The following DLGAP1 variants were observed in gnomAD, a reference collection of about 807,000 sequenced individuals.
DLGAP1 encodes DLG associated protein 1.
A neutral mutation model predicts 90.8 loss-of-function variants in DLGAP1; 11 were observed. The ratio of observed to expected loss-of-function variants is 0.12; its 90% CI spans 0.08 to 0.20. The LOEUF is 0.20. Among genes scored for constraint, DLGAP1 ranks in the 10% least tolerant of loss-of-function variants. The pLI is 1.00. For missense variants in DLGAP1, 1,050 were observed against 1,333.8 expected (o/e 0.79, Z 3.31); for synonymous variants, 558 against 540.7 (o/e 1.03, Z -0.44).
chr18:4,321,506 A>G (rs1017396431), intron 1 of DLGAP1, among the ~76,000 whole-genome samples: 2 of 152,336 alleles, frequency 1.3e-5, no homozygotes, highest in African/African-American at 2.4e-5. Context: ...AGCAACTTCC[A>G]ACTTAAAAGT....
intron 3 of DLGAP1, among the ~76,000 whole-genome samples, chr18:3,931,296 C>T (rs1412263572): frequency 6.6e-6 from 1 of 152,176 alleles, no homozygotes; most frequent in Non-Finnish European, 1.5e-5. Flanking sequence ...TGCTTTGGCT[C>T]TGGCCCATTA....
At chr18:3,602,785 A>G (rs1038961499) in intron 7 of DLGAP1, among the ~76,000 whole-genome samples, 7 of 152,010 alleles carry the variant, frequency 4.6e-5, no homozygotes, top group African/African-American at 1.7e-4. Flanking sequence ...TTTATTTTGG[A>G]GGGATTTCTA....
At chr18:4,115,198 T>C (rs2076040810) in intron 2 of DLGAP1, among the ~76,000 whole-genome samples, 1 of 152,168 alleles carries the variant, frequency 6.6e-6, no homozygotes, top group African/African-American at 2.4e-5. Context: ...ATAAAATTCA[T>C]TCCAACAAAA....
chr18:3,831,750 A>G (rs904302662), intron 4 of DLGAP1, among the ~76,000 whole-genome samples: 1 of 152,334 alleles, frequency 6.6e-6, no homozygotes, highest in African/African-American at 2.4e-5. Flanking sequence ...TCACACTGCA[A>G]CTATTTATCT....
chr18:4,372,551 G>C (rs535313061), intron 1 of DLGAP1, among the ~76,000 whole-genome samples: 1 of 152,322 alleles, frequency 6.6e-6, no homozygotes, highest in East Asian at 1.9e-4. Context: ...GTATAGATTT[G>C]TGGACTAACA....
intron 2 of DLGAP1, among the ~76,000 whole-genome samples, chr18:4,043,364 G>A (rs1021064184): frequency 5.3e-5 from 8 of 152,166 alleles, no homozygotes; most frequent in African/African-American, 1.9e-4. Context: ...AATCATAATA[G>A]TATCTAATTC....
intron 1 of DLGAP1, among the ~76,000 whole-genome samples, chr18:4,374,970 T>C (rs1004215955): frequency 9.9e-5 from 15 of 152,106 alleles, no homozygotes; most frequent in African/African-American, 3.4e-4. Flanking sequence ...AAGAAAAAAA[T>C]AAAATATCAC....
intron 2 of DLGAP1, among the ~76,000 whole-genome samples, chr18:4,101,941 C>T (rs1455598488): frequency 2.0e-5 from 3 of 151,750 alleles, no homozygotes; most frequent in Non-Finnish European, 4.4e-5. Flanking sequence ...TATACATATA[C>T]AAGCAGTTAT....
intron 7 of DLGAP1, among the ~76,000 whole-genome samples, chr18:3,656,967 C>T (rs1026791079): frequency 1.3e-5 from 2 of 151,936 alleles, no homozygotes; most frequent in African/African-American, 4.8e-5. Context: ...AGGATGGTCT[C>T]GATCTCCTGA....
At chr18:4,157,560 G>C (rs1472852487) in intron 1 of DLGAP1, among the ~76,000 whole-genome samples, 2 of 152,194 alleles carry the variant, frequency 1.3e-5, no homozygotes, top group Admixed American at 6.5e-5. Context: ...GCTTCAGAGG[G>C]AAGACCCCAT....
At chr18:4,225,728 A>G (rs1395873808) in intron 1 of DLGAP1, among the ~76,000 whole-genome samples, 1 of 152,054 alleles carries the variant, frequency 6.6e-6, no homozygotes, top group Non-Finnish European at 1.5e-5. Context: ...GAGCTTGAAA[A>G]CAGAGTATTT....
intron 1 of DLGAP1, among the ~76,000 whole-genome samples, chr18:4,405,061 A>T (rs1427857336): frequency 2.0e-5 from 3 of 152,230 alleles, no homozygotes; most frequent in Admixed American, 6.5e-5. Context: ...AAGTTTAAGT[A>T]CATTCAATTA....
At chr18:4,081,033 C>T (rs2075600253) in intron 2 of DLGAP1, among the ~76,000 whole-genome samples, 1 of 151,836 alleles carries the variant, frequency 6.6e-6, no homozygotes, top group Non-Finnish European at 1.5e-5. Context: ...GGATTACAGG[C>T]ATGCACCACC....
At chr18:3,772,802 C>T (rs962287940) in intron 5 of DLGAP1, among the ~76,000 whole-genome samples, 1 of 152,036 alleles carries the variant, frequency 6.6e-6, no homozygotes. Context: ...TTCAGACCCG[C>T]TAAATTAGCA....
intron 1 of DLGAP1, among the ~76,000 whole-genome samples, chr18:4,200,594 C>T (rs1013590478): frequency 1.4e-5 from 2 of 147,650 alleles, no homozygotes; most frequent in Admixed American, 6.6e-5. Context: ...ATATTTAATA[C>T]TTTAAAATAT....
intron 10 of DLGAP1, among the ~76,000 whole-genome samples, chr18:3,519,920 C>CT (rs2051075423): frequency 6.6e-6 from 1 of 152,074 alleles, no homozygotes; most frequent in Admixed American, 6.6e-5. Flanking sequence ...GGACAAATAC[C>CT]TAAAGCATGT....
intron 9 of DLGAP1, among the ~76,000 whole-genome samples, chr18:3,546,043 T>C (rs1053304814): frequency 9.2e-5 from 14 of 152,170 alleles, no homozygotes; most frequent in Non-Finnish European, 1.8e-4. Flanking sequence ...TTCTCGATAA[T>C]AGATTAAAAA....
intron 1 of DLGAP1, among the ~76,000 whole-genome samples, chr18:4,362,053 G>A (rs1290220534): frequency 6.6e-6 from 1 of 152,130 alleles, no homozygotes; most frequent in Non-Finnish European, 1.5e-5. Flanking sequence ...ACACCTATTG[G>A]GATGGCTACT....
chr18:4,001,777 T>G (rs1306304582), intron 3 of DLGAP1, among the ~76,000 whole-genome samples: 1 of 152,090 alleles, frequency 6.6e-6, no homozygotes, highest in Non-Finnish European at 1.5e-5. Context: ...CCCTTTAGGG[T>G]CCATGGGGCA....
Sources: gnomAD v4.1 joint callset for allele counts (sites outside exome capture counted in the v4.1 genomes callset) on GRCh38, gnomAD v4.1.1 for gene constraint, MANE v1.5 for transcripts, NCBI Gene and HGNC (gene_info 2026-07-23, HGNC 2026-07-21) for gene names.